Variants in NPEPPS observed in about 807,000 individuals in gnomAD.
NPEPPS encodes the protein aminopeptidase puromycin sensitive, also known as puromycin-sensitive aminopeptidase.
Under a neutral mutation model 115.5 loss-of-function variants are expected in NPEPPS, and 14 were observed. The ratio of observed to expected loss-of-function variants is 0.12; its 90% CI spans 0.08 to 0.19. NPEPPS has a LOEUF of 0.19. Ranked by LOEUF, NPEPPS falls within the 10% of genes least tolerant of loss-of-function variation. NPEPPS has a pLI of 1.00. For synonymous variants in NPEPPS, 285 were observed against 390.6 expected (o/e 0.73, Z 3.19); for missense variants, 523 against 1,110.8 (o/e 0.47, Z 7.52).
At chr17:47,599,539 T>C in intron 13 of NPEPPS, 137 bp from the exon 14 acceptor site, 1 of 660,210 alleles carries the variant, frequency 1.5e-6, no homozygotes, top group Non-Finnish European at 2.6e-6. Flanking sequence ...ACAATTGCAT[T>C]TTGTATACTC....
chr17:47,578,434 G>A (rs940779126), intron 3 of NPEPPS, among the ~76,000 whole-genome samples: 6 of 151,466 alleles, frequency 4.0e-5, no homozygotes, highest in Non-Finnish European at 5.9e-5. Flanking sequence ...ATTCCTCTAC[G>A]TTTTTTCGTG....
chr17:47,591,808 T>G (rs1912522311), intron 10 of NPEPPS, 148 bp from the exon 11 acceptor site: 1 of 485,550 alleles, frequency 2.1e-6, no homozygotes. Context: ...AGTTACTACA[T>G]TTTTTTGAGG....
chr17:47,598,080 T>G (rs545614552), intron 13 of NPEPPS, among the ~76,000 whole-genome samples: 101 of 152,348 alleles, frequency 6.6e-4, no homozygotes, highest in Non-Finnish European at 1.2e-3. Flanking sequence ...CTAATTGAAT[T>G]TGATGTTGAC....
chr17:47,620,414 T>G (rs1257760992), intron 22 of NPEPPS, among the ~76,000 whole-genome samples: 1 of 152,094 alleles, frequency 6.6e-6, no homozygotes, highest in Non-Finnish European at 1.5e-5. Flanking sequence ...AGTAGGGTAG[T>G]GGCAGTAGTG....
Position 47,610,845 on chromosome 17 carries a change from C to CTTTTTTTTTTTTTTTTTTTTT in NPEPPS, c.2096-1609_2096-1589dup, listed in dbSNP as rs59893483. Among the ~76,000 whole-genome samples, 6 of 100,120 alleles carry CTTTTTTTTTTTTTTTTTTTTT rather than the reference C, an allele frequency of 6.0e-5. 2 individuals are homozygous for CTTTTTTTTTTTTTTTTTTTTT. The highest frequency in any genetic ancestry group is 3.1e-4 in the South Asian group (1 of 3,242). The allele number at this position is 100,120 out of a possible 152,430, so 65.7% of individuals were successfully genotyped here. A position where few individuals can be genotyped will look rare whatever the true frequency, so the allele number is the denominator to read the frequency against. On this transcript the variant is annotated intron_variant, in intron 17 of 22. Coordinates refer to ENST00000322157, the MANE Select transcript of NPEPPS (RefSeq NM_006310.4). The stretch of plus-strand genomic sequence containing the variant: ...GAAATTGCTGAGTCATATGATGACT[C>CTTTTTTTTTTTTTTTTTTTTT]TTTTTTTTTTTTTTTTTTTTTTTTT...
chr17:47,534,122 C>T (rs1469896234), intron 1 of NPEPPS, among the ~76,000 whole-genome samples: 1 of 151,260 alleles, frequency 6.6e-6, no homozygotes, highest in Non-Finnish European at 1.5e-5. Context: ...GATGGAGTCT[C>T]GCTCTGTCGC....
At chr17:47,546,417 C>A (rs1436953340) in intron 2 of NPEPPS, among the ~76,000 whole-genome samples, 1 of 151,274 alleles carries the variant, frequency 6.6e-6, no homozygotes, top group Non-Finnish European at 1.5e-5. Context: ...CAGAGTGAGA[C>A]CCTGACTCAA....
chr17:47,542,578 A>AT (rs1908845258), intron 1 of NPEPPS, among the ~76,000 whole-genome samples: 1 of 151,032 alleles, frequency 6.6e-6, no homozygotes, highest in Non-Finnish European at 1.5e-5. Context: ...AAATTGGAAG[A>AT]TCTGTCAGCA....
intron 1 of NPEPPS, among the ~76,000 whole-genome samples, chr17:47,539,976 A>G (rs1190340712): frequency 6.6e-6 from 1 of 152,220 alleles, no homozygotes; most frequent in Admixed American, 6.5e-5. Context: ...ATCTCAGGAC[A>G]TTGACAATCA....
At chr17:47,538,225 T>G (rs1210251884) in intron 1 of NPEPPS, among the ~76,000 whole-genome samples, 4 of 115,222 alleles carry the variant, frequency 3.5e-5, no homozygotes, top group South Asian at 3.1e-4. Context: ...TTTTTTTTTT[T>G]GAGACAGAGT....
chr17:47,557,959 C>T lies in NPEPPS; in HGVS notation c.341-11458C>T, dbSNP rs537618034. ...ATGTTTTTTTTTTTTTTTGTACAGT[C>T]TCTGTCACCCAGGCTGGGGTACAGT... On this transcript the variant is annotated intron_variant, in intron 2 of 22. Transcript: ENST00000322157. 3.2e-4 allele frequency among the ~76,000 whole-genome samples: 43 copies of T among 134,836 alleles called. No individual in the cohort carries two copies. In the East Asian group the frequency reaches 6.3e-3, roughly 20 times the overall value. The allele number at this position is 134,836 out of a possible 152,430, so 88.5% of individuals were successfully genotyped here.
intron 2 of NPEPPS, among the ~76,000 whole-genome samples, chr17:47,569,030 A>T (rs1294345511): frequency 6.6e-6 from 1 of 152,212 alleles, no homozygotes; most frequent in African/African-American, 2.4e-5. Context: ...GGGGGAACAG[A>T]CCTTTCCTTG....
At chr17:47,607,742 T>G (rs866743669) in intron 17 of NPEPPS, among the ~76,000 whole-genome samples, 1 of 152,192 alleles carries the variant, frequency 6.6e-6, no homozygotes, top group South Asian at 2.1e-4. Flanking sequence ...TGGTGAAGGA[T>G]GGACTGTGTG....
At chr17:47,564,328 G>A (rs957407217) in intron 2 of NPEPPS, among the ~76,000 whole-genome samples, 25 of 151,526 alleles carry the variant, frequency 1.6e-4, no homozygotes, top group African/African-American at 5.8e-4. Context: ...GAGCCCAGGA[G>A]TTTGAGACCA....
At position 47,579,488 on chromosome 17, in the gene NPEPPS, T is replaced by C. The variant is rs902873342; in HGVS notation, c.517T>C (p.Tyr173His). 2 of 1,608,826 alleles carry C rather than the reference T, an allele frequency of 1.2e-6. No homozygotes were observed. The highest frequency in any genetic ancestry group is 2.7e-5 in the African/African-American group (2 of 74,812). Reference protein sequence around the residue: ...KYTTPSGEVRYAAVTQFEATD... With the variant: ...KYTTPSGEVRHAAVTQFEATD... ...TACTACCCCTTCTGGAGAGGTGCGC[T>C]ATGCTGCTGTAACACAGTTTGAGGT... The change falls in exon 4 of 23, where the codon TAT becomes CAT. Residue 173 changes from tyrosine to histidine, a missense_variant. This residue lies in a region of NPEPPS where 144 missense variants were observed against 512.4 expected (regional missense o/e 0.28). Coordinates refer to ENST00000322157, the MANE Select transcript of NPEPPS (RefSeq NM_006310.4).
chr17:47,538,525 TC>T (rs1908503187), intron 1 of NPEPPS, among the ~76,000 whole-genome samples: 1 of 139,904 alleles, frequency 7.1e-6, no homozygotes, highest in Non-Finnish European at 1.5e-5. Flanking sequence ...ATATCTGTTT[TC>T]TTTTTTTTTT....
chr17:47,592,720 G>T, intron 12 of NPEPPS, 175 bp downstream of exon 12: 1 of 558,806 alleles, frequency 1.8e-6, no homozygotes. Context: ...TCTGAAATTT[G>T]AAATGCTCCA....
At chr17:47,532,728 TCCATTA>T (rs1197184696) in intron 1 of NPEPPS, among the ~76,000 whole-genome samples, 2 of 151,444 alleles carry the variant, frequency 1.3e-5, no homozygotes, top group African/African-American at 2.4e-5. Flanking sequence ...GTGAAAATAT[TCCATTA>T]CTCTTCACTG....
intron 2 of NPEPPS, 39 bp from the exon 3 acceptor site, chr17:47,569,378 C>T (rs1226196087): frequency 3.0e-6 from 4 of 1,320,234 alleles, no homozygotes; most frequent in African/African-American, 1.4e-5. Flanking sequence ...TCTTGTCAGT[C>T]CAGTCAGAAT....
Sources: allele counts gnomAD v4.1 joint callset (sites outside exome capture counted in the v4.1 genomes callset), GRCh38; gene constraint gnomAD v4.1.1; regional missense constraint gnomAD v4.1.1; transcripts MANE v1.5; gene names NCBI Gene and HGNC (gene_info 2026-07-23, HGNC 2026-07-21).